SPMIP2: variants seen among roughly 807,000 people sequenced by gnomAD.
SPMIP2 encodes the protein sperm microtubule inner protein 2, also known as protein SPMIP2.
At chr4:158,976,248 C>G in the SPMIP2 span, among the ~76,000 whole-genome samples, 1 of 152,198 alleles carries the variant, frequency 6.6e-6, no homozygotes, top group Non-Finnish European at 1.5e-5. Flanking sequence ...GATAATTTGA[C>G]TTCCTCTCTT....
the SPMIP2 span, among the ~76,000 whole-genome samples, chr4:158,962,272 T>TTTA: frequency 6.6e-6 from 1 of 152,176 alleles, no homozygotes; most frequent in South Asian, 2.1e-4. Flanking sequence ...TCCTGACACA[T>TTTA]TTAGGAAGTC....
chr4:158,998,859 A>G, the SPMIP2 span, among the ~76,000 whole-genome samples: 1 of 152,114 alleles, frequency 6.6e-6, no homozygotes, highest in Non-Finnish European at 1.5e-5. Flanking sequence ...CTCTATAACA[A>G]TATGGCTTGT....
At chr4:159,054,364 A>G in the SPMIP2 span, among the ~76,000 whole-genome samples, 1 of 152,082 alleles carries the variant, frequency 6.6e-6, no homozygotes, top group Non-Finnish European at 1.5e-5. Flanking sequence ...AAATCATATC[A>G]TAATGACCTC....
At chr4:159,032,685 C>T in the SPMIP2 span, among the ~76,000 whole-genome samples, 10 of 150,056 alleles carry the variant, frequency 6.7e-5, no homozygotes, top group Non-Finnish European at 1.3e-4. Context: ...TTAAAAGGCA[C>T]AAAAATCTCT....
At chr4:158,954,506 T>A in the SPMIP2 span, among the ~76,000 whole-genome samples, 1 of 152,220 alleles carries the variant, frequency 6.6e-6, no homozygotes, top group Non-Finnish European at 1.5e-5. Flanking sequence ...ACACTGTCCC[T>A]TTCCAAACTT....
chr4:158,971,843 C>T, the SPMIP2 span, among the ~76,000 whole-genome samples: 4 of 152,140 alleles, frequency 2.6e-5, no homozygotes, highest in Non-Finnish European at 4.4e-5. Context: ...GGCAAATGAA[C>T]TTAACCAAGG....
the SPMIP2 span, among the ~76,000 whole-genome samples, chr4:158,926,658 C>T: frequency 6.6e-6 from 1 of 152,010 alleles, no homozygotes; most frequent in East Asian, 1.9e-4. Context: ...GTAAAGTATC[C>T]TATAGATCTC....
chr4:158,913,452 G>A, the SPMIP2 span, among the ~76,000 whole-genome samples: 4 of 151,982 alleles, frequency 2.6e-5, no homozygotes, highest in African/African-American at 9.7e-5. Flanking sequence ...TCAAACTTGG[G>A]CTCAAGTGAT....
the SPMIP2 span, among the ~76,000 whole-genome samples, chr4:159,032,986 G>T: frequency 6.6e-6 from 1 of 152,030 alleles, no homozygotes; most frequent in East Asian, 1.9e-4. Context: ...CCATGCAAAA[G>T]GCTGCACATA....
the SPMIP2 span, among the ~76,000 whole-genome samples, chr4:158,912,904 G>A: frequency 3.3e-5 from 5 of 152,186 alleles, no homozygotes; most frequent in South Asian, 1.0e-3. Context: ...AGGAATAATG[G>A]GTTAAACCGA....
chr4:159,023,596 C>G, the SPMIP2 span, among the ~76,000 whole-genome samples: 3 of 152,184 alleles, frequency 2.0e-5, no homozygotes, highest in South Asian at 6.2e-4. Context: ...GAATAAATCT[C>G]ACAATCTTCT....
chr4:158,924,524 T>C, the SPMIP2 span, among the ~76,000 whole-genome samples: 1 of 152,230 alleles, frequency 6.6e-6, no homozygotes, highest in South Asian at 2.1e-4. Flanking sequence ...GGATTACAGG[T>C]GCCCACCACC....
chr4:158,977,625 T>TCTC, the SPMIP2 span, among the ~76,000 whole-genome samples: 5 of 104,340 alleles, frequency 4.8e-5, no homozygotes, highest in African/African-American at 1.8e-4. Context: ...TTTTTTTTTT[T>TCTC]TCTCTTTGAG....
chr4:158,962,582 C>T, the SPMIP2 span, among the ~76,000 whole-genome samples: 1 of 152,140 alleles, frequency 6.6e-6, no homozygotes, highest in Non-Finnish European at 1.5e-5. Context: ...TTTTCCTTCA[C>T]TTGCCTCAAT....
the SPMIP2 span, among the ~76,000 whole-genome samples, chr4:158,901,258 G>C: frequency 1.2e-4 from 18 of 150,928 alleles, no homozygotes; most frequent in Non-Finnish European, 2.9e-5. Flanking sequence ...TCAGCGTCCA[G>C]AGTAGCTGGG....
chr4:159,040,047 C>T, the SPMIP2 span, among the ~76,000 whole-genome samples: 1 of 152,278 alleles, frequency 6.6e-6, no homozygotes, highest in African/African-American at 2.4e-5. Flanking sequence ...ATGAAGCACA[C>T]TTGGTAAACT....
the SPMIP2 span, among the ~76,000 whole-genome samples, chr4:158,982,842 T>C: frequency 1.3e-5 from 2 of 151,978 alleles, no homozygotes; most frequent in South Asian, 4.2e-4. Flanking sequence ...AGAAGAAGGC[T>C]TCAGACGATC....
the SPMIP2 span, among the ~76,000 whole-genome samples, chr4:159,077,203 C>T: frequency 3.3e-5 from 5 of 151,436 alleles, no homozygotes; most frequent in South Asian, 2.1e-4. Context: ...TACAATGGTG[C>T]GGTCTCGGCT....
the SPMIP2 span, among the ~76,000 whole-genome samples, chr4:158,998,440 T>A: frequency 1.3e-5 from 2 of 152,254 alleles, no homozygotes; most frequent in African/African-American, 4.8e-5. Flanking sequence ...AAGTGGACTA[T>A]TTTGTAGATT....
Sources: allele counts gnomAD v4.1 joint callset (sites outside exome capture counted in the v4.1 genomes callset), GRCh38; gene constraint gnomAD v4.1.1; transcripts MANE v1.5; gene names NCBI Gene and HGNC (gene_info 2026-07-23, HGNC 2026-07-21).